Variants in MAPK14 observed in about 807,000 individuals in gnomAD.
MAPK14 encodes mitogen-activated protein kinase 14.
A neutral mutation model predicts 49.6 loss-of-function variants in MAPK14; 16 were observed. The observed-to-expected ratio is 0.32, with a 90% confidence interval of 0.22 to 0.49. The LOEUF is 0.49. Ranked by LOEUF, MAPK14 falls within the 20% of genes least tolerant of loss-of-function variation. The pLI, the probability that MAPK14 is intolerant of heterozygous loss-of-function variation, is 0.99. For missense variants in MAPK14, 200 were observed against 441.2 expected (o/e 0.45, Z 4.90); for synonymous variants, 142 against 158.0 (o/e 0.90, Z 0.76).
intron 1 of MAPK14, among the ~76,000 whole-genome samples, chr6:36,032,462 G>C (rs1211748957): frequency 6.6e-6 from 1 of 152,182 alleles, no homozygotes; most frequent in Non-Finnish European, 1.5e-5. Context: ...TGGGACAGAA[G>C]GGGAGAATCT....
chr6:36,103,445 TC>T (rs1248883092), intron 10 of MAPK14, among the ~76,000 whole-genome samples: 6 of 152,066 alleles, frequency 3.9e-5, no homozygotes, highest in Admixed American at 1.3e-4. Context: ...GCTCCAGTGA[TC>T]CTCCTGCCTC....
chr6:36,080,545 T>C (rs948638331), intron 8 of MAPK14, among the ~76,000 whole-genome samples: 1 of 152,256 alleles, frequency 6.6e-6, no homozygotes, highest in Non-Finnish European at 1.5e-5. Context: ...CAGAATACTA[T>C]TCCATTGTAA....
At chr6:36,033,105 A>G (rs997789120) in intron 1 of MAPK14, among the ~76,000 whole-genome samples, 1 of 151,918 alleles carries the variant, frequency 6.6e-6, no homozygotes, top group Admixed American at 6.6e-5. Flanking sequence ...TTACTTTTCT[A>G]GTAGTGATAG....
Position 36,072,939 on chromosome 6 carries a change from T to A in MAPK14, c.372T>A (p.Asp124Glu), listed in dbSNP as rs201131979. ...NNIVKCQKLT[D>E]DHVQFLIYQI... ...TTGTGAAATGTCAGAAGCTTACAGA[T>A]GACCATGTTCAGTTCCTTATCTACC... Residue 124 changes from aspartate to glutamate, a missense_variant, in exon 4 of 12, where the codon GAT becomes GAA. This residue lies in a region of MAPK14 where 170 missense variants were observed against 407.0 expected (regional missense o/e 0.42). Coordinates refer to ENST00000229794, the MANE Select transcript of MAPK14 (RefSeq NM_139012.3). The A allele has an allele frequency of 6.2e-7, 1 of 1,613,624 alleles. No homozygotes were observed.
At chr6:36,039,113 T>C (rs1207903646) in intron 1 of MAPK14, among the ~76,000 whole-genome samples, 2 of 152,172 alleles carry the variant, frequency 1.3e-5, no homozygotes, top group South Asian at 2.1e-4. Context: ...ATCATATAGA[T>C]TGAAAGATTA....
intron 1 of MAPK14, among the ~76,000 whole-genome samples, chr6:36,044,743 C>T (rs796591266): frequency 2.6e-5 from 4 of 152,210 alleles, no homozygotes; most frequent in African/African-American, 9.6e-5. Context: ...AAACAAAAAG[C>T]TCATTGATAG....
chr6:36,070,220 A>T (rs1261758025), intron 3 of MAPK14, among the ~76,000 whole-genome samples: 1 of 152,196 alleles, frequency 6.6e-6, no homozygotes, highest in Non-Finnish European at 1.5e-5. Context: ...AAAGAGTTTT[A>T]AAAAGGTCAT....
intron 1 of MAPK14, among the ~76,000 whole-genome samples, chr6:36,040,684 T>C (rs1762931265): frequency 6.6e-6 from 1 of 152,198 alleles, no homozygotes; most frequent in African/African-American, 2.4e-5. Flanking sequence ...TGTTTTGTCA[T>C]TGTCATGGCC....
chr6:36,042,476 CTTTTTT>C lies in MAPK14; in HGVS notation c.117-10207_117-10202del, dbSNP rs113286534. 1.2e-3 allele frequency among the ~76,000 whole-genome samples: 125 copies of C among 102,676 alleles called. 1 individual carries two copies. The South Asian group carries it at 0.028, about 23-fold the overall frequency. The allele number at this position is 102,676 out of a possible 152,430, so 67.4% of individuals were successfully genotyped here. On this transcript the variant is annotated intron_variant, in intron 1 of 11. Coordinates refer to ENST00000229794, the MANE Select transcript of MAPK14 (RefSeq NM_139012.3). ...TTTTAAAGCTTCAGTGAAGGAATAT[CTTTTTT>C]TTTTTTTTTTTTTTTGGCTGGGTTG...
At chr6:36,106,222 C>T (rs1020892033) in intron 10 of MAPK14, among the ~76,000 whole-genome samples, 10 of 152,032 alleles carry the variant, frequency 6.6e-5, no homozygotes, top group East Asian at 1.9e-4. Flanking sequence ...ACCTAACTTC[C>T]GGTTTTTGGG....
chr6:36,060,605 C>A (rs778865593), intron 3 of MAPK14, among the ~76,000 whole-genome samples: 1 of 152,158 alleles, frequency 6.6e-6, no homozygotes, highest in South Asian at 2.1e-4. Context: ...TTCTCCTCAC[C>A]CTTATCCTGG....
At position 36,075,687 on chromosome 6, in the gene MAPK14, A is replaced by G. The variant is rs961935104; in HGVS notation, c.496-161A>G. On this transcript the variant is annotated intron_variant, in intron 6 of 11. Coordinates refer to ENST00000229794, the MANE Select transcript of MAPK14 (RefSeq NM_139012.3). ...TTTAAGTTCTTGCTGTATATTTACC[A>G]TACATTCTAAGTATGGACCAGGAAA... is the stretch of plus-strand genomic sequence containing the variant. The G allele has an allele frequency of 5.2e-5, 48 of 915,048 alleles. 1 individual carries two copies. Among genetic ancestry groups the G allele is most frequent in the Non-Finnish European group, 3.7e-5 (22 of 590,602 alleles). The allele number at this position is 915,048 out of a possible 1,614,324, so 56.7% of individuals were successfully genotyped here.
At chr6:36,095,555 T>G (rs1172807448) in intron 8 of MAPK14, among the ~76,000 whole-genome samples, 1 of 152,202 alleles carries the variant, frequency 6.6e-6, no homozygotes, top group African/African-American at 2.4e-5. Context: ...TTCTGCTGCT[T>G]TTTTCCTTAT....
intron 8 of MAPK14, among the ~76,000 whole-genome samples, chr6:36,084,628 GA>G (rs1397294884): frequency 1.3e-5 from 2 of 152,098 alleles, no homozygotes; most frequent in Non-Finnish European, 2.9e-5. Flanking sequence ...CAAGATAAGA[GA>G]AGAATGAAAG....
At position 36,028,173 on chromosome 6, in the gene MAPK14, C is replaced by G. The variant is rs200659578; in HGVS notation, c.16C>G (p.Pro6Ala). The G allele has an allele frequency of 7.6e-5, 123 of 1,613,274 alleles. No individual in the cohort carries two copies. The East Asian group carries it at 2.6e-3, about 34-fold the overall frequency. MSQER[P>A]TFYRQELNKT... ...CCGCTGGAAAATGTCTCAGGAGAGGCCCACGTTCTACCGGCAGGAGCTGAA... is the reference window on the plus strand; with the variant it reads ...CCGCTGGAAAATGTCTCAGGAGAGGGCCACGTTCTACCGGCAGGAGCTGAA... Residue 6 changes from proline to alanine, a missense_variant, in exon 1 of 12, where the codon CCC (proline) becomes GCC (alanine). Coordinates refer to ENST00000229794, the MANE Select transcript of MAPK14 (RefSeq NM_139012.3). The surrounding 1 kb of genome is among the most constrained non-coding windows in gnomAD (Gnocchi z 5.1).
At chr6:36,089,415 ATAAATAGC>A (rs1298036397) in intron 8 of MAPK14, among the ~76,000 whole-genome samples, 1 of 152,206 alleles carries the variant, frequency 6.6e-6, no homozygotes, top group Non-Finnish European at 1.5e-5. Context: ...ACGCATCAGG[ATAAATAGC>A]TAAGGCATGC....
intron 8 of MAPK14, chr6:36,077,017 T>G (rs1257501483): frequency 6.4e-6 from 1 of 155,366 alleles, no homozygotes; most frequent in African/African-American, 2.4e-5. Flanking sequence ...GTTTATGTAT[T>G]AAAAGGGCTA....
chr6:36,091,668 G>T (rs950560933), intron 8 of MAPK14, among the ~76,000 whole-genome samples: 5 of 152,126 alleles, frequency 3.3e-5, no homozygotes, highest in Admixed American at 6.6e-5. Flanking sequence ...AGAACCCATG[G>T]TGATTTCTTC....
rs199753014 is a variant in MAPK14 at position 36,027,923 on chromosome 6, G to C, written c.-235G>C. The C allele has an allele frequency of 3.6e-5, 15 of 415,964 alleles. No individual in the cohort carries two copies. The highest frequency in any genetic ancestry group is 5.9e-5 in the Non-Finnish European group (14 of 238,638). The allele number at this position is 415,964 out of a possible 1,614,324, so 25.8% of individuals were successfully genotyped here. The stretch of plus-strand genomic sequence containing the variant: ...GCGGCGGGCGCAGTCTTGAGCGCCG[G>C]AGCGCGTCCCTGCCCTTAGCGGGGC... On this transcript the variant is annotated 5_prime_UTR_variant, in exon 1 of 12. Transcript: ENST00000229794.
Sources: gnomAD v4.1 joint callset for allele counts (sites outside exome capture counted in the v4.1 genomes callset) on GRCh38, gnomAD v4.1.1 for gene constraint, gnomAD v4.1.1 regional missense constraint, Gnocchi (gnomAD v3.1) non-coding constraint, MANE v1.5 for transcripts, NCBI Gene and HGNC (gene_info 2026-07-23, HGNC 2026-07-21) for gene names.